The following TTLL5 variants were observed in gnomAD, a reference collection of about 807,000 sequenced individuals.
TTLL5 encodes tubulin polyglutamylase TTLL5.
Under a neutral mutation model 168.4 loss-of-function variants are expected in TTLL5, and 132 were observed. The ratio of observed to expected loss-of-function variants is 0.78; its 90% CI spans 0.68 to 0.91. The LOEUF is 0.91. Ranked by LOEUF, TTLL5 falls within the 40% of genes least tolerant of loss-of-function variation. TTLL5 has a pLI of 0.00. For synonymous variants in TTLL5, 546 were observed against 558.6 expected, an observed-to-expected ratio of 0.98 and a Z score of 0.32; for missense variants, 1,545 against 1,581.5, an observed-to-expected ratio of 0.98 and a Z score of 0.39.
At chr14:75,848,179 G>A (rs1896658425) in intron 28 of TTLL5, among the ~76,000 whole-genome samples, 1 of 152,036 alleles carries the variant, frequency 6.6e-6, no homozygotes, top group South Asian at 2.1e-4. Context: ...ACTGTTCCAA[G>A]TTGCCTGATA....
chr14:75,768,204 A>G (rs1374328897), intron 20 of TTLL5, among the ~76,000 whole-genome samples: 1 of 152,214 alleles, frequency 6.6e-6, no homozygotes, highest in Non-Finnish European at 1.5e-5. Context: ...TAAGTCAGTA[A>G]AAAGGTCAAG....
chr14:75,722,189 C>G (rs1361549073), intron 12 of TTLL5, among the ~76,000 whole-genome samples: 3 of 152,106 alleles, frequency 2.0e-5, no homozygotes, highest in Non-Finnish European at 4.4e-5. Flanking sequence ...CTGTCTCTGC[C>G]TTGCATGCTC....
intron 20 of TTLL5, among the ~76,000 whole-genome samples, chr14:75,770,170 C>T (rs1331533659): frequency 9.3e-6 from 1 of 107,206 alleles, no homozygotes; most frequent in East Asian, 2.8e-4. Flanking sequence ...AAGAGCAAAA[C>T]TCTGTCTCGA....
rs186116061 is a variant in TTLL5 at position 75,765,343 on chromosome 14, G to T, written c.1708+571G>T. On this transcript the variant is annotated intron_variant, in intron 19 of 31. Transcript: ENST00000298832. ...TCTGTCCTCATAGAACTTACAAGGCGATAGAGAAGGATAATGAATAAACAT... is the reference window on the plus strand; with the variant it reads ...TCTGTCCTCATAGAACTTACAAGGCTATAGAGAAGGATAATGAATAAACAT... 5.0e-3 allele frequency among the ~76,000 whole-genome samples: 765 copies of T among 152,262 alleles called. 2 individuals carry two copies. The highest frequency in any genetic ancestry group is 7.4e-3 in the Non-Finnish European group (503 of 68,022).
At chr14:75,812,925 T>C (rs982862533) in intron 27 of TTLL5, among the ~76,000 whole-genome samples, 1 of 152,194 alleles carries the variant, frequency 6.6e-6, no homozygotes, top group African/African-American at 2.4e-5. Context: ...ATGCTCCCAG[T>C]AATGCAGGTG....
chr14:75,926,886 A>G (rs2034089681), intron 31 of TTLL5, among the ~76,000 whole-genome samples: 6 of 152,230 alleles, frequency 3.9e-5, no homozygotes, highest in Admixed American at 3.9e-4. Context: ...CATTATTCAT[A>G]ATAGCCAAAA....
At chr14:75,752,847 C>T in intron 17 of TTLL5, 46 bp from the exon 18 acceptor site, 2 of 1,571,736 alleles carry the variant, frequency 1.3e-6, no homozygotes, top group Non-Finnish European at 1.7e-6. Context: ...ACATTTTCCT[C>T]TTGAACTAGC....
intron 18 of TTLL5, chr14:75,757,807 C>G (rs143596688): frequency 1.3e-6 from 2 of 1,585,268 alleles, no homozygotes; most frequent in Admixed American, 1.7e-5. Context: ...TTCTCTAACC[C>G]GGTTGTCCTT....
At chr14:75,872,014 A>G (rs576266365) in intron 29 of TTLL5, among the ~76,000 whole-genome samples, 1 of 152,258 alleles carries the variant, frequency 6.6e-6, no homozygotes, top group Admixed American at 6.5e-5. Flanking sequence ...GGGCCCTGAT[A>G]TACAAATAAT....
rs572290001 is a variant in TTLL5 at position 75,885,169 on chromosome 14, C to T, written c.3740+2267C>T. On this transcript the variant is annotated intron_variant, in intron 30 of 31. Transcript: ENST00000298832. ...CAGCCTGGGTGACAGAACAAGACCC[C>T]GTCTCAAAAAAATAATTAATTAATT... is the stretch of plus-strand genomic sequence containing the variant. Among the ~76,000 whole-genome samples, 12 of 124,978 alleles carry T rather than the reference C, an allele frequency of 9.6e-5. No individual in the cohort carries two copies. In the East Asian group the frequency reaches 2.0e-3, roughly 21 times the overall value. 82.0% of individuals were successfully genotyped at this position (124,978 alleles called of 152,430 possible).
Position 75,745,466 on chromosome 14 carries a change from C to G in TTLL5, c.1396-24C>G, listed in dbSNP as rs761439942. 2.5e-6 allele frequency: 4 copies of G among 1,610,284 alleles called. No homozygotes were observed. The South Asian group carries it at 4.4e-5, about 18-fold the overall frequency. The stretch of plus-strand genomic sequence containing the variant: ...GACTCCGGTTTTCAAAATAGGTACT[C>G]ATTTTATCTTATTTTTCATCTAGAT... On this transcript the variant is annotated intron_variant, in intron 16 of 31. Transcript: ENST00000298832.
At chr14:75,844,017 C>T (rs1461769736) in intron 28 of TTLL5, among the ~76,000 whole-genome samples, 3 of 151,666 alleles carry the variant, frequency 2.0e-5, no homozygotes, top group East Asian at 1.9e-4. Flanking sequence ...CTCAGCCTCC[C>T]GAGTAGCTGG....
In TTLL5 at chr14:75,924,684, C is replaced by T. The variant is rs1371238775; in HGVS notation, c.3823+22460C>T. Among the ~76,000 whole-genome samples the T allele has an allele frequency of 3.3e-5, 5 of 152,058 alleles. No individual in the cohort carries two copies. The South Asian group carries it at 8.3e-4, about 25-fold the overall frequency. On this transcript the variant is annotated intron_variant, in intron 31 of 31. Coordinates refer to ENST00000298832, the MANE Select transcript of TTLL5 (RefSeq NM_015072.5). ...ATGAAAAGTCTCCCATGACTACTTC[C>T]CTCTACACAGACACGGCAACCATCC... is the stretch of plus-strand genomic sequence containing the variant.
At chr14:75,902,296 T>C in intron 31 of TTLL5, 72 bp downstream of exon 31, 1 of 1,488,958 alleles carries the variant, frequency 6.7e-7, no homozygotes, top group Non-Finnish European at 9.3e-7. Flanking sequence ...CATTCTCTCT[T>C]CTGCCTCCAA....
intron 26 of TTLL5, among the ~76,000 whole-genome samples, chr14:75,792,333 T>A (rs866922794): frequency 2.6e-5 from 4 of 151,548 alleles, no homozygotes; most frequent in Admixed American, 1.3e-4. Flanking sequence ...GTAACAAACC[T>A]GCACGTTGTG....
chr14:75,710,404 A>ACACACG (rs762485637), intron 9 of TTLL5: 44 of 42,822 alleles, frequency 1.0e-3, no homozygotes, highest in Middle Eastern at 0.021. Context: ...ATTTATACAC[A>ACACACG]CACACACACA....
At chr14:75,691,186 G>A (rs1885438382) in intron 6 of TTLL5, among the ~76,000 whole-genome samples, 1 of 152,070 alleles carries the variant, frequency 6.6e-6, no homozygotes, top group South Asian at 2.1e-4. Flanking sequence ...CTGTATGGCT[G>A]GTAAAGTGAC....
At chr14:75,830,020 G>C (rs917069899) in intron 28 of TTLL5, among the ~76,000 whole-genome samples, 1 of 152,204 alleles carries the variant, frequency 6.6e-6, no homozygotes, top group Non-Finnish European at 1.5e-5. Context: ...TAGTAGAAAA[G>C]TTAGAGAAAT....
Position 75,766,180 on chromosome 14 carries a change from A to G in TTLL5, c.1827A>G (p.Gly609=). 4 of 1,614,098 alleles carry G rather than the reference A, an allele frequency of 2.5e-6. No homozygotes were observed. Among genetic ancestry groups the G allele is most frequent in the Non-Finnish European group, 3.4e-6 (4 of 1,179,996 alleles). ...AGGCTTCCCAGGAGGAGTCTGCAGG[A>G]TTTCTTAGAGAAAATCAAGCCAAAT... The part of the protein sequence containing the change: ...EQEASQEESA[G]FLRENQAKYT... The change falls in exon 20 of 32, where the codon GGA becomes GGG. Residue 609 remains glycine, a synonymous_variant. Transcript: ENST00000298832.
Sources: allele counts gnomAD v4.1 joint callset (sites outside exome capture counted in the v4.1 genomes callset), GRCh38; gene constraint gnomAD v4.1.1; transcripts MANE v1.5; gene names NCBI Gene and HGNC (gene_info 2026-07-23, HGNC 2026-07-21).